Variants in XIAP observed in about 807,000 individuals in gnomAD.
XIAP encodes the protein X-linked inhibitor of apoptosis, also known as E3 ubiquitin-protein ligase XIAP.
In XIAP, 3 loss-of-function variants were observed where a neutral mutation model predicts 33.1. The observed-to-expected ratio is 0.09, with a 90% CI of 0.04 to 0.23. The LOEUF (loss-of-function observed/expected upper bound fraction) is 0.23, where lower values mean the gene tolerates loss of function less well. Ranked by LOEUF, XIAP falls within the 10% of genes least tolerant of loss-of-function variation. The pLI is 1.00. For missense variants in XIAP, 264 were observed against 363.0 expected, an observed-to-expected ratio of 0.73 and a Z score of 2.22; for synonymous variants, 98 against 121.3, an observed-to-expected ratio of 0.81 and a Z score of 1.26.
At position 123,907,567 on chromosome X, in the gene XIAP, T is replaced by G. The variant is rs1422519453; in HGVS notation, c.*386T>G. The G allele has an allele frequency of 1.6e-5, 6 of 382,314 alleles. No homozygotes were observed. Among genetic ancestry groups the G allele is most frequent in the East Asian group, 5.5e-5 (1 of 18,264 alleles). 31.5% of individuals were successfully genotyped at this position (382,314 alleles called of 1,213,427 possible). A position where few individuals can be genotyped will look rare whatever the true frequency, so the allele number is the denominator to read the frequency against. ...GCTTTCTGTATATAAATGTGGAGAT[T>G]AGAGTTAATCTCCCCAATCACATAA... is the stretch of plus-strand genomic sequence containing the variant. On this transcript the variant is annotated 3_prime_UTR_variant, in exon 7 of 7. Coordinates refer to ENST00000371199, the MANE Select transcript of XIAP (RefSeq NM_001167.4).
intron 1 of XIAP, among the ~76,000 whole-genome samples, chrX:123,874,278 G>C (rs1402171275): frequency 8.9e-6 from 1 of 111,830 alleles, no homozygotes; most frequent in Non-Finnish European, 1.9e-5. Context: ...TATATTTGCT[G>C]TATAGAATTT....
chrX:123,898,543 T>G (rs1385433996), intron 5 of XIAP, among the ~76,000 whole-genome samples: 1 of 109,495 alleles, frequency 9.1e-6, no homozygotes, highest in African/African-American at 3.3e-5. Flanking sequence ...TTTTTTTTAT[T>G]TTTTGGTATT....
chrX:123,880,905 G>A (rs1287885848), intron 1 of XIAP, among the ~76,000 whole-genome samples: 1 of 110,140 alleles, frequency 9.1e-6, no homozygotes, highest in Non-Finnish European at 1.9e-5. Context: ...CTCTCTTTAC[G>A]CAGTTGACTG....
intron 1 of XIAP, among the ~76,000 whole-genome samples, chrX:123,870,135 T>G (rs1424279222): frequency 8.9e-6 from 1 of 112,627 alleles, no homozygotes; most frequent in South Asian, 3.6e-4. Context: ...AATTTTTTTG[T>G]ATTTTTAGTA....
At chrX:123,905,757 G>A (rs1317817619) in intron 6 of XIAP, among the ~76,000 whole-genome samples, 5 of 112,230 alleles carry the variant, frequency 4.5e-5, no homozygotes, top group African/African-American at 1.6e-4. Flanking sequence ...TTAAAAGGAT[G>A]CCATGAAAAA....
intron 1 of XIAP, among the ~76,000 whole-genome samples, chrX:123,875,915 A>G (rs1431768997): frequency 8.9e-6 from 1 of 112,063 alleles, no homozygotes; most frequent in Non-Finnish European, 1.9e-5. Context: ...TGAACTCCCG[A>G]AATCAAGCGA....
chrX:123,865,194 T>C (rs2053123690), intron 1 of XIAP, among the ~76,000 whole-genome samples: 1 of 109,919 alleles, frequency 9.1e-6, no homozygotes, highest in Admixed American at 9.9e-5. Flanking sequence ...TGAGTAGATA[T>C]GAAGAGACAA....
Position 123,907,903 on chromosome X carries a change from A to C in XIAP, c.*722A>C, listed in dbSNP as rs1468538327. ...TATGTATGTTTTTAATATGCATAGAACAAAAGATTTGGAAAGATATACACC... is the reference window on the plus strand; with the variant it reads ...TATGTATGTTTTTAATATGCATAGACCAAAAGATTTGGAAAGATATACACC... On this transcript the variant is annotated 3_prime_UTR_variant, in exon 7 of 7. Transcript: ENST00000371199. The C allele has an allele frequency of 1.1e-5, 4 of 370,799 alleles. No homozygotes were observed. The highest frequency in any genetic ancestry group is 5.2e-5 in the African/African-American group (2 of 38,236). 30.6% of individuals were successfully genotyped at this position (370,799 alleles called of 1,213,427 possible). A position where few individuals can be genotyped will look rare whatever the true frequency, so the allele number is the denominator to read the frequency against.
rs941990924 is a variant in XIAP, at chrX:123,909,213, T to C, written c.*2032T>C. 3 of 290,054 alleles carry C rather than the reference T, an allele frequency of 1.0e-5. No homozygotes were observed. Among genetic ancestry groups the C allele is most frequent in the Non-Finnish European group, 1.9e-5 (3 of 154,422 alleles). 23.9% of individuals were successfully genotyped at this position (290,054 alleles called of 1,213,427 possible). On this transcript the variant is annotated 3_prime_UTR_variant, in exon 7 of 7. Coordinates refer to ENST00000371199, the MANE Select transcript of XIAP (RefSeq NM_001167.4). ...CCGACTAATTTTTTTTTATTTTTAGTAGAGACGGGGTTTCACCATGTTGGC... is the reference window on the plus strand; with the variant it reads ...CCGACTAATTTTTTTTTATTTTTAGCAGAGACGGGGTTTCACCATGTTGGC...
intron 1 of XIAP, among the ~76,000 whole-genome samples, chrX:123,882,520 G>A (rs949776109): frequency 2.7e-5 from 3 of 111,594 alleles, no homozygotes; most frequent in Non-Finnish European, 5.6e-5. Flanking sequence ...TGCTCCCTAA[G>A]GATGTTAAAC....
At chrX:123,863,665 C>T (rs1157480692) in intron 1 of XIAP, among the ~76,000 whole-genome samples, 1 of 110,426 alleles carries the variant, frequency 9.1e-6, no homozygotes, top group Non-Finnish European at 1.9e-5. Context: ...TGCGCCACCA[C>T]GCCCGGCTAA....
intron 1 of XIAP, among the ~76,000 whole-genome samples, chrX:123,865,648 C>T (rs754358142): frequency 3.6e-5 from 4 of 110,764 alleles, no homozygotes; most frequent in East Asian, 2.9e-4. Context: ...GGTGTGAACC[C>T]GGGAGGCGGA....
intron 6 of XIAP, among the ~76,000 whole-genome samples, chrX:123,904,963 G>T (rs2053547003): frequency 8.9e-6 from 1 of 111,739 alleles, no homozygotes; most frequent in African/African-American, 3.3e-5. Context: ...TTTTGGGACT[G>T]GTTTCTGCCC....
rs1482639184 is a variant in XIAP, at chrX:123,913,263, G to A, written c.*6082G>A. 1 of 328,541 alleles carries A rather than the reference G, an allele frequency of 3.0e-6. No individual in the cohort carries two copies. The highest frequency in any genetic ancestry group is 5.9e-6 in the Non-Finnish European group (1 of 169,633). 27.1% of individuals were successfully genotyped at this position (328,541 alleles called of 1,213,427 possible). A position where few individuals can be genotyped will look rare whatever the true frequency, so the allele number is the denominator to read the frequency against. On this transcript the variant is annotated 3_prime_UTR_variant, in exon 7 of 7. Coordinates refer to ENST00000371199, the MANE Select transcript of XIAP (RefSeq NM_001167.4). Reference sequence around the variant, plus strand: ...GAGGCAGGCGGCTCACCTGAGGTCAGGAGTTGGAGACCAGCCTGGCCAACA... The same window carrying A: ...GAGGCAGGCGGCTCACCTGAGGTCAAGAGTTGGAGACCAGCCTGGCCAACA...
chrX:123,879,904 G>T (rs1206234035), intron 1 of XIAP, among the ~76,000 whole-genome samples: 68 of 103,923 alleles, frequency 6.5e-4, no homozygotes, highest in Non-Finnish European at 1.2e-3. Flanking sequence ...CACGAGGTCA[G>T]GAGATCGAGA....
At chrX:123,878,341 G>C (rs2053265869) in intron 1 of XIAP, among the ~76,000 whole-genome samples, 1 of 111,595 alleles carries the variant, frequency 9.0e-6, no homozygotes. Context: ...TCTAATTTTA[G>C]AACATTTTCA....
intron 5 of XIAP, among the ~76,000 whole-genome samples, chrX:123,893,242 G>A (rs1054146026): frequency 1.8e-5 from 2 of 109,810 alleles, no homozygotes; most frequent in African/African-American, 3.3e-5. Context: ...TTAGGCGGCC[G>A]GGCGTGGTAG....
At chrX:123,859,772 CGGGTGG>C (rs1294766501), upstream of XIAP, 2 of 91,747 alleles carry the variant, frequency 2.2e-5, no homozygotes, top group Non-Finnish European at 3.6e-5. Context: ...GCGGGGGGGT[CGGGTGG>C]GGGTGGGGGT....
intron 1 of XIAP, among the ~76,000 whole-genome samples, chrX:123,881,749 T>C (rs1408923609): frequency 2.1e-5 from 2 of 97,397 alleles, no homozygotes; most frequent in Non-Finnish European, 4.1e-5. Flanking sequence ...TTTGATTTTA[T>C]ACTTCTATTT....
Sources: gnomAD v4.1 joint callset for allele counts (sites outside exome capture counted in the v4.1 genomes callset) on GRCh38, gnomAD v4.1.1 for gene constraint, MANE v1.5 for transcripts, NCBI Gene and HGNC (gene_info 2026-07-23, HGNC 2026-07-21) for gene names.